WARS2: variants seen among roughly 807,000 people sequenced by gnomAD.
WARS2 encodes tryptophanyl tRNA synthetase 2, mitochondrial, also known as tryptophan--tRNA ligase, mitochondrial.
A neutral mutation model predicts 36.5 loss-of-function variants in WARS2; 28 were observed. The ratio of observed to expected loss-of-function variants is 0.77; its 90% CI spans 0.57 to 1.05. WARS2 has a LOEUF of 1.05. Ranked by LOEUF, WARS2 falls within the 50% of genes least tolerant of loss-of-function variation. The pLI, the probability that WARS2 is intolerant of heterozygous loss-of-function variation, is 0.00. For synonymous variants in WARS2, 174 were observed against 178.4 expected (o/e 0.98, Z 0.20); for missense variants, 435 against 456.8 (o/e 0.95, Z 0.44).
At chr1:119,066,335 G>A (rs893753330) in intron 2 of WARS2, among the ~76,000 whole-genome samples, 6 of 151,854 alleles carry the variant, frequency 4.0e-5, no homozygotes, top group South Asian at 2.1e-4. Context: ...AAAATTAGCC[G>A]GGTGTGGTGG....
intron 2 of WARS2, among the ~76,000 whole-genome samples, chr1:119,065,002 A>C (rs1400887529): frequency 6.6e-6 from 1 of 152,228 alleles, no homozygotes; most frequent in Non-Finnish European, 1.5e-5. Context: ...CTTTAAAAAT[A>C]CAAAAGATCT....
chr1:119,036,298 G>A (rs938814446), intron 4 of WARS2, among the ~76,000 whole-genome samples: 6 of 152,170 alleles, frequency 3.9e-5, no homozygotes, highest in Admixed American at 6.5e-5. Flanking sequence ...TCTCTTCCAC[G>A]CAGCCTGGAG....
chr1:119,066,555 A>G (rs2101250712), intron 2 of WARS2, among the ~76,000 whole-genome samples: 1 of 152,154 alleles, frequency 6.6e-6, no homozygotes, highest in Admixed American at 6.6e-5. Flanking sequence ...TACTCAGAAT[A>G]TGTAAAGAAC....
rs1222002337 is a variant in WARS2 at position 119,097,800 on chromosome 1, A to G, written c.91-21193T>C. Among the ~76,000 whole-genome samples, 3 of 152,190 alleles carry G rather than the reference A, an allele frequency of 2.0e-5. No individual in the cohort carries two copies. The East Asian group carries it at 5.8e-4, about 29-fold the overall frequency. On this transcript the variant is annotated intron_variant, in intron 1 of 5. Transcript: ENST00000235521. The stretch of plus-strand genomic sequence containing the variant: ...TGTCAATGAAGTAGAAATGAATACT[A>G]CATGAGGCTTATAGAATGCAGGAGC...
chr1:119,085,860 T>C, intron 1 of WARS2: 1 of 1,610,504 alleles, frequency 6.2e-7, no homozygotes. Context: ...ACTGTCCTTG[T>C]ACTCGGAGTG....
chr1:119,131,820 A>G (rs1217429469), intron 1 of WARS2, among the ~76,000 whole-genome samples: 1 of 152,058 alleles, frequency 6.6e-6, no homozygotes, highest in African/African-American at 2.4e-5. Flanking sequence ...AAGCCCCCAC[A>G]GGCTTCTCAG....
chr1:119,054,649 C>T (rs1258247772), intron 2 of WARS2, among the ~76,000 whole-genome samples: 1 of 151,936 alleles, frequency 6.6e-6, no homozygotes. Flanking sequence ...TGGAAGCAGC[C>T]CAAATGTCCA....
intron 2 of WARS2, 71 bp from the exon 3 acceptor site, chr1:119,045,733 A>C: frequency 1.6e-6 from 2 of 1,226,302 alleles, no homozygotes; most frequent in South Asian, 2.6e-5. Flanking sequence ...ACTAAGTAGT[A>C]AGTATTACCC....
At chr1:119,138,438 G>A (rs1029370953) in intron 1 of WARS2, among the ~76,000 whole-genome samples, 2 of 152,110 alleles carry the variant, frequency 1.3e-5, no homozygotes, top group African/African-American at 4.8e-5. Context: ...ATTTCAAAAC[G>A]TTTTTCTGGT....
chr1:119,100,871 C>G (rs1482976183), intron 1 of WARS2, among the ~76,000 whole-genome samples: 2 of 152,162 alleles, frequency 1.3e-5, no homozygotes, highest in Admixed American at 1.3e-4. Flanking sequence ...CTCCTGGGCT[C>G]AAGTGATACT....
At chr1:119,049,225 T>C (rs980778538) in intron 2 of WARS2, among the ~76,000 whole-genome samples, 5 of 152,206 alleles carry the variant, frequency 3.3e-5, no homozygotes, top group African/African-American at 1.2e-4. Flanking sequence ...CGGAACGACA[T>C]GGGGTTTGTC....
intron 2 of WARS2, among the ~76,000 whole-genome samples, chr1:119,055,049 T>C (rs1215161398): frequency 6.6e-6 from 1 of 152,224 alleles, no homozygotes; most frequent in African/African-American, 2.4e-5. Flanking sequence ...TAATGTGTTT[T>C]ACAAATTTCA....
chr1:119,051,371 T>G (rs1649335359), intron 2 of WARS2, among the ~76,000 whole-genome samples: 1 of 152,242 alleles, frequency 6.6e-6, no homozygotes, highest in Non-Finnish European at 1.5e-5. Flanking sequence ...TCTTATTTTT[T>G]ATTTTTATGG....
chr1:119,139,723 C>G (rs1224897004), intron 1 of WARS2: 3 of 152,164 alleles, frequency 2.0e-5, no homozygotes, highest in Non-Finnish European at 2.9e-5. Flanking sequence ...CACATTCTCT[C>G]CTTTCTCTCT....
chr1:119,039,725 C>T (rs972782957), intron 4 of WARS2, among the ~76,000 whole-genome samples: 2 of 152,246 alleles, frequency 1.3e-5, no homozygotes, highest in East Asian at 1.9e-4. Flanking sequence ...ATCTGAAAGG[C>T]TCCTCTTCCA....
At chr1:119,127,133 T>C (rs587614967) in intron 1 of WARS2, 17 of 730,966 alleles carry the variant, frequency 2.3e-5, no homozygotes, top group South Asian at 1.9e-4. Flanking sequence ...TTTTGATTCC[T>C]TGGGTCCTGG....
chr1:119,107,671 A>AAG lies in WARS2; in HGVS notation c.91-31066_91-31065dup, dbSNP rs61528583. Among the ~76,000 whole-genome samples the AAG allele has an allele frequency of 1.7e-3, 257 of 149,776 alleles. 3 individuals are homozygous for AAG. In the Middle Eastern group the frequency reaches 0.017, roughly 10 times the overall value. Reference sequence around the variant, plus strand: ...TTATAGTTGGAGAAATAGAAAAAGAAAGAGAGAGAGAGAGAGAGAGAGAGA... The same window carrying AAG: ...TTATAGTTGGAGAAATAGAAAAAGAAAGAGAGAGAGAGAGAGAGAGAGAGAGA... On this transcript the variant is annotated intron_variant, in intron 1 of 5. Transcript: ENST00000235521.
chr1:119,033,400 A>G, intron 5 of WARS2, 41 bp from the exon 6 acceptor site: 1 of 1,607,460 alleles, frequency 6.2e-7, no homozygotes, highest in Non-Finnish European at 8.5e-7. Context: ...CAAAACAAAA[A>G]CAAAACAAAC....
intron 2 of WARS2, among the ~76,000 whole-genome samples, chr1:119,072,061 G>C (rs1186385579): frequency 6.6e-6 from 1 of 152,112 alleles, no homozygotes; most frequent in East Asian, 1.9e-4. Context: ...CTAGAACTCT[G>C]TATATAATGG....
Sources: gnomAD v4.1 joint callset for allele counts (sites outside exome capture counted in the v4.1 genomes callset) on GRCh38, gnomAD v4.1.1 for gene constraint, MANE v1.5 for transcripts, NCBI Gene and HGNC (gene_info 2026-07-23, HGNC 2026-07-21) for gene names.